The following REC114 variants were observed in gnomAD, a reference collection of about 807,000 sequenced individuals.
REC114 encodes the protein REC114 meiotic recombination protein.
Under a neutral mutation model 31.3 loss-of-function variants are expected in REC114, and 27 were observed. That is an observed-to-expected ratio of 0.86 (90% CI 0.64 to 1.19). REC114 has a LOEUF of 1.19. REC114 is among the 50% of genes most tolerant of loss of function. The pLI, the probability that REC114 is intolerant of heterozygous loss-of-function variation, is 0.00. For missense variants in REC114, 344 were observed against 326.9 expected, an observed-to-expected ratio of 1.05 and a Z score of -0.40; for synonymous variants, 134 against 127.7, an observed-to-expected ratio of 1.05 and a Z score of -0.33.
intron 2 of REC114, among the ~76,000 whole-genome samples, chr15:73,509,387 A>G (rs1418226417): frequency 6.7e-6 from 1 of 150,364 alleles, no homozygotes; most frequent in Non-Finnish European, 1.5e-5. Flanking sequence ...CCCATTTTGT[A>G]GGTTGCCTGT....
intron 1 of REC114, among the ~76,000 whole-genome samples, chr15:73,458,441 A>G (rs548049017): frequency 6.6e-6 from 1 of 152,328 alleles, no homozygotes; most frequent in Admixed American, 6.5e-5. Context: ...AGTATCATCA[A>G]GAGTTATTAT....
At chr15:73,542,946 C>CTT (rs199804904) in intron 3 of REC114, among the ~76,000 whole-genome samples, 2,909 of 138,118 alleles carry the variant, frequency 0.021, 73 homozygotes, top group African/African-American at 0.065. Context: ...GAAGTATACA[C>CTT]TTTTTTTTTT....
At chr15:73,467,563 C>CT (rs1370552467) in intron 1 of REC114, among the ~76,000 whole-genome samples, 2 of 152,134 alleles carry the variant, frequency 1.3e-5, no homozygotes, top group Non-Finnish European at 2.9e-5. Flanking sequence ...CTTTCTATGT[C>CT]TTTTTTCTTC....
chr15:73,541,010 A>G (rs1456209959), intron 3 of REC114, among the ~76,000 whole-genome samples: 1 of 152,244 alleles, frequency 6.6e-6, no homozygotes, highest in African/African-American at 2.4e-5. Flanking sequence ...CATCAAAGAA[A>G]CAGTCATATT....
At chr15:73,461,929 T>C (rs866641901) in intron 1 of REC114, among the ~76,000 whole-genome samples, 3,869 of 139,232 alleles carry the variant, frequency 0.028, 262 homozygotes, top group African/African-American at 0.1. Context: ...TTTCTTTTTT[T>C]TTTTTTTTTT....
At chr15:73,453,774 G>T (rs1268230145) in intron 1 of REC114, among the ~76,000 whole-genome samples, 2 of 152,138 alleles carry the variant, frequency 1.3e-5, no homozygotes, top group Admixed American at 1.3e-4. Flanking sequence ...ATACATCATG[G>T]AATACTATGC....
At chr15:73,546,204 T>C (rs975336237) in intron 3 of REC114, among the ~76,000 whole-genome samples, 1 of 151,876 alleles carries the variant, frequency 6.6e-6, no homozygotes, top group Non-Finnish European at 1.5e-5. Flanking sequence ...TATGTTAACC[T>C]AGTATGTTGA....
chr15:73,494,497 A>G (rs1246863352), intron 2 of REC114, among the ~76,000 whole-genome samples: 1 of 152,108 alleles, frequency 6.6e-6, no homozygotes, highest in Non-Finnish European at 1.5e-5. Flanking sequence ...GTCTCAAAAA[A>G]AAAAAAAAAA....
intron 3 of REC114, among the ~76,000 whole-genome samples, chr15:73,550,578 A>G (rs1195664337): frequency 6.6e-6 from 1 of 152,158 alleles, no homozygotes; most frequent in Non-Finnish European, 1.5e-5. Context: ...TTGCTGTATT[A>G]TTATCCTCAC....
chr15:73,485,546 C>T (rs2141299368), intron 2 of REC114, among the ~76,000 whole-genome samples: 1 of 152,250 alleles, frequency 6.6e-6, no homozygotes, highest in East Asian at 1.9e-4. Context: ...TTAGTACTAA[C>T]CTCTTGGTAC....
chr15:73,494,811 T>C (rs1893496195), intron 2 of REC114, among the ~76,000 whole-genome samples: 1 of 152,202 alleles, frequency 6.6e-6, no homozygotes, highest in South Asian at 2.1e-4. Context: ...GTAGCTAAAA[T>C]GGAGATCTTT....
At chr15:73,556,232 C>T (rs1894464103) in intron 4 of REC114, 70 bp from the exon 5 acceptor site, 1 of 1,314,926 alleles carries the variant, frequency 7.6e-7, no homozygotes, top group Non-Finnish European at 1.1e-6. Flanking sequence ...CATATTTCTG[C>T]TCTTTAATGG....
intron 2 of REC114, among the ~76,000 whole-genome samples, chr15:73,526,178 A>G (rs781459935): frequency 6.6e-6 from 1 of 152,130 alleles, no homozygotes. Context: ...TTTAAATGCT[A>G]TATCTTTTTA....
intron 2 of REC114, among the ~76,000 whole-genome samples, chr15:73,530,641 C>CT (rs1175373960): frequency 2.6e-5 from 4 of 152,168 alleles, no homozygotes; most frequent in Non-Finnish European, 4.4e-5. Flanking sequence ...GAGCAAAACT[C>CT]TGTCTCCAGA....
At position 73,477,426 on chromosome 15, in the gene REC114, A is replaced by AT. The variant is rs755529937; in HGVS notation, c.249+3513dup. 1.4e-4 allele frequency among the ~76,000 whole-genome samples: 21 copies of AT among 151,886 alleles called. No homozygotes were observed. In the East Asian group the frequency reaches 3.5e-3, roughly 25 times the overall value. On this transcript the variant is annotated intron_variant, in intron 2 of 5. Coordinates refer to ENST00000331090, the MANE Select transcript of REC114 (RefSeq NM_001042367.2). Reference sequence around the variant, plus strand: ...TTACCTATGCCAAGATTGCAAAGTCATTTTTTTTGAGTCAGGATCTTGCCC... The same window carrying AT: ...TTACCTATGCCAAGATTGCAAAGTCATTTTTTTTTGAGTCAGGATCTTGCCC...
intron 2 of REC114, among the ~76,000 whole-genome samples, chr15:73,495,063 G>C (rs1253258888): frequency 6.6e-6 from 1 of 152,064 alleles, no homozygotes; most frequent in Non-Finnish European, 1.5e-5. Flanking sequence ...TTTGTATTTA[G>C]TATGAAAATC....
At chr15:73,538,455 CT>C (rs34642401) in intron 2 of REC114, among the ~76,000 whole-genome samples, 3,377 of 124,008 alleles carry the variant, frequency 0.027, 54 homozygotes, top group East Asian at 0.058. Context: ...AATTCTATTT[CT>C]TTTTTTTTTT....
chr15:73,507,016 G>GTA (rs1302158517), intron 2 of REC114, among the ~76,000 whole-genome samples: 4 of 152,018 alleles, frequency 2.6e-5, no homozygotes, highest in African/African-American at 9.7e-5. Context: ...GATTGATAAA[G>GTA]CTTGCTACAT....
At chr15:73,486,762 C>T (rs771005612) in intron 2 of REC114, among the ~76,000 whole-genome samples, 22 of 152,030 alleles carry the variant, frequency 1.4e-4, no homozygotes, top group African/African-American at 2.7e-4. Flanking sequence ...TCTGGCTGGG[C>T]GCAGTGGCTC....
Sources: gnomAD v4.1 joint callset for allele counts (sites outside exome capture counted in the v4.1 genomes callset) on GRCh38, gnomAD v4.1.1 for gene constraint, MANE v1.5 for transcripts, NCBI Gene and HGNC (gene_info 2026-07-23, HGNC 2026-07-21) for gene names.